The following HYDIN variants were observed in gnomAD, a reference collection of about 807,000 sequenced individuals.
The protein encoded by HYDIN is axonemal central pair apparatus protein HYDIN.
Under a neutral mutation model 403.9 loss-of-function variants are expected in HYDIN, and 132 were observed. That is an observed-to-expected ratio of 0.33 (90% CI 0.28 to 0.38). The LOEUF is 0.38. Among genes scored for constraint, HYDIN ranks in the 10% least tolerant of loss-of-function variants. The pLI is 1.00. For missense variants in HYDIN, 2,827 were observed against 5,009.5 expected (o/e 0.56, Z 13.15); for synonymous variants, 1,202 against 1,891.7 (o/e 0.64, Z 9.46).
intron 1 of HYDIN, among the ~76,000 whole-genome samples, chr16:71,197,785 C>T (rs1272734507): frequency 6.6e-6 from 1 of 152,048 alleles, no homozygotes; most frequent in African/African-American, 2.4e-5. Context: ...AGAGTCTTAC[C>T]CACCCCGGCT....
intron 54 of HYDIN, among the ~76,000 whole-genome samples, chr16:70,895,583 AT>A (rs1477199962): frequency 2.0e-5 from 3 of 149,838 alleles, no homozygotes; most frequent in Non-Finnish European, 3.0e-5. Context: ...TGACACCTTG[AT>A]TTTAGCCCAG....
chr16:71,228,954 T>C (rs560197260), intron 1 of HYDIN, among the ~76,000 whole-genome samples: 5 of 152,178 alleles, frequency 3.3e-5, no homozygotes, highest in Admixed American at 6.5e-5. Flanking sequence ...GGCACATATA[T>C]ACCATGGAAT....
intron 79 of HYDIN, 98 bp downstream of exon 79, chr16:70,833,789 G>A: frequency 1.3e-6 from 1 of 774,776 alleles, no homozygotes; most frequent in Non-Finnish European, 2.1e-6. Context: ...GGAGAGGACA[G>A]AAGTAAAAAG....
intron 1 of HYDIN, among the ~76,000 whole-genome samples, chr16:71,210,580 A>C (rs1420531702): frequency 6.6e-6 from 1 of 152,158 alleles, no homozygotes; most frequent in Non-Finnish European, 1.5e-5. Context: ...CAGGGTGATG[A>C]AATAATCTGT....
chr16:71,120,605 T>TA (rs958477178), intron 9 of HYDIN, among the ~76,000 whole-genome samples: 4 of 151,384 alleles, frequency 2.6e-5, no homozygotes, highest in African/African-American at 2.4e-5. Flanking sequence ...AGGGGATCTT[T>TA]AAAAAAAACT....
intron 10 of HYDIN, among the ~76,000 whole-genome samples, chr16:71,106,411 T>C (rs1444576851): frequency 6.6e-6 from 1 of 152,200 alleles, no homozygotes; most frequent in Non-Finnish European, 1.5e-5. Flanking sequence ...GTGTACCTTG[T>C]ATCCGCTTCT....
intron 20 of HYDIN, chr16:71,027,209 A>G (rs2080738152): frequency 1.8e-6 from 2 of 1,113,254 alleles, no homozygotes; most frequent in African/African-American, 1.7e-5. Context: ...GGATGTCCCA[A>G]TACCTGAATA....
chr16:70,810,147 T>A, intron 84 of HYDIN, 140 bp from the exon 85 acceptor site: 1 of 749,578 alleles, frequency 1.3e-6, no homozygotes, highest in East Asian at 2.5e-5. Flanking sequence ...CTGGGGAACC[T>A]GTCCAAACCA....
rs564477036 is a variant in HYDIN, at chr16:70,969,557, G to T, written c.5619+963C>A. 1.1e-4 allele frequency among the ~76,000 whole-genome samples: 16 copies of T among 151,644 alleles called. No homozygotes were observed. In the South Asian group the frequency reaches 3.3e-3, roughly 32 times the overall value. ...AAATCCTTCAAGGATGAGAGGGGAA[G>T]TCAAGGCATTCTCAGATGAAGGAAA... is the stretch of plus-strand genomic sequence containing the variant. On this transcript the variant is annotated intron_variant, in intron 36 of 85. Coordinates refer to ENST00000393567, the MANE Select transcript of HYDIN (RefSeq NM_001270974.2).
chr16:70,981,561 A>G lies in HYDIN; in HGVS notation c.4340T>C (p.Ile1447Thr). 1 of 1,612,058 alleles carries G rather than the reference A, an allele frequency of 6.2e-7. No individual in the cohort carries two copies. Among genetic ancestry groups the G allele is most frequent in the Non-Finnish European group, 8.5e-7 (1 of 1,178,976 alleles). The stretch of plus-strand genomic sequence containing the variant: ...TAATACCTGCTCTTGATGTGAACTG[A>G]TAAAGCCCTACGCGGTAGAAAGACC... ...VPLILPVSGF[I>T]SSHQEQVLKV... is the part of the protein sequence containing the mutation. The change falls in exon 29 of 86, where the codon ATC becomes ACC. Residue 1447 changes from isoleucine (I) to threonine (T), a missense_variant. Coordinates refer to ENST00000393567, the MANE Select transcript of HYDIN (RefSeq NM_001270974.2).
chr16:71,035,564 G>A (rs2081058236), intron 18 of HYDIN, among the ~76,000 whole-genome samples: 1 of 138,510 alleles, frequency 7.2e-6, no homozygotes, highest in Non-Finnish European at 1.6e-5. Flanking sequence ...GATTTCTCAT[G>A]CTTGAGTAAC....
intron 41 of HYDIN, among the ~76,000 whole-genome samples, chr16:70,949,464 A>T (rs544314460): frequency 6.6e-6 from 1 of 152,144 alleles, no homozygotes; most frequent in Non-Finnish European, 1.5e-5. Flanking sequence ...ATAATAATAA[A>T]AAAAACAAAA....
At chr16:71,063,591 T>C (rs2107500) in intron 16 of HYDIN, among the ~76,000 whole-genome samples, 2 of 152,100 alleles carry the variant, frequency 1.3e-5, no homozygotes, top group Admixed American at 1.3e-4. Flanking sequence ...AGGGCTGGCC[T>C]GGCCTGCTGT....
chr16:70,860,590 A>C, intron 70 of HYDIN, 99 bp downstream of exon 70: 3 of 412,890 alleles, frequency 7.3e-6, no homozygotes, highest in Non-Finnish European at 1.2e-5. Context: ...CAGGATATCG[A>C]GCCTGCTTAT....
intron 41 of HYDIN, among the ~76,000 whole-genome samples, chr16:70,947,436 G>T (rs1196306543): frequency 1.9e-4 from 29 of 151,942 alleles, no homozygotes; most frequent in East Asian, 1.2e-3. Context: ...GCTGGATTCG[G>T]TTTGCCAGTA....
At chr16:70,962,581 G>T (rs2078451445) in intron 37 of HYDIN, among the ~76,000 whole-genome samples, 1 of 152,070 alleles carries the variant, frequency 6.6e-6, no homozygotes, top group Middle Eastern at 3.4e-3. Flanking sequence ...TGTGTAGCCT[G>T]CTTTCCCTTT....
At chr16:70,928,349 G>C (rs1798408) in intron 45 of HYDIN, among the ~76,000 whole-genome samples, 2 of 149,314 alleles carry the variant, frequency 1.3e-5, no homozygotes, top group Non-Finnish European at 3.0e-5. Context: ...CCAGCTACTC[G>C]GGAGGCTGAG....
chr16:70,875,555 A>G (rs1426452583), intron 62 of HYDIN, among the ~76,000 whole-genome samples: 1 of 152,242 alleles, frequency 6.6e-6, no homozygotes, highest in East Asian at 1.9e-4. Flanking sequence ...ATTGAATAAT[A>G]CAAAATATGA....
intron 10 of HYDIN, among the ~76,000 whole-genome samples, chr16:71,094,365 C>A (rs10775318): frequency 1.4e-5 from 2 of 146,836 alleles, no homozygotes; most frequent in Non-Finnish European, 3.0e-5. Flanking sequence ...ATGGGTATAA[C>A]AGTTATGAGC....
Sources: gnomAD v4.1 joint callset for allele counts (sites outside exome capture counted in the v4.1 genomes callset) on GRCh38, gnomAD v4.1.1 for gene constraint, MANE v1.5 for transcripts, NCBI Gene and HGNC (gene_info 2026-07-23, HGNC 2026-07-21) for gene names.